The following CNIH3 variants were observed in gnomAD, a reference collection of about 807,000 sequenced individuals.
CNIH3 encodes the protein protein cornichon homolog 3.
A neutral mutation model predicts 24.1 loss-of-function variants in CNIH3; 14 were observed. That is an observed-to-expected ratio of 0.58 (90% CI 0.38 to 0.91). The LOEUF is 0.91. CNIH3 is among the 40% of genes least tolerant of loss of function. The pLI, the probability that CNIH3 is intolerant of heterozygous loss-of-function variation, is 0.00. For missense variants in CNIH3, 178 were observed against 196.8 expected, an observed-to-expected ratio of 0.90 and a Z score of 0.57; for synonymous variants, 68 against 73.8, an observed-to-expected ratio of 0.92 and a Z score of 0.40.
intron 1 of CNIH3, among the ~76,000 whole-genome samples, chr1:224,501,081 G>A (rs1157643962): frequency 6.6e-6 from 1 of 152,072 alleles, no homozygotes; most frequent in Non-Finnish European, 1.5e-5. Flanking sequence ...CTTCTGTTCT[G>A]GAAACAGTAA....
intron 2 of CNIH3, among the ~76,000 whole-genome samples, chr1:224,526,259 A>T (rs1558130774): frequency 6.6e-6 from 1 of 152,208 alleles, no homozygotes. Flanking sequence ...CCAAATTCAT[A>T]TTTGAAACTG....
intron 1 of CNIH3, chr1:224,664,916 A>G (rs1303673081): frequency 6.6e-6 from 1 of 151,930 alleles, no homozygotes; most frequent in African/African-American, 2.4e-5. Context: ...GGAAACTTAG[A>G]TCCAAATTTT....
At chr1:224,652,385 T>C (rs540267077) in intron 1 of CNIH3, among the ~76,000 whole-genome samples, 141 of 152,148 alleles carry the variant, frequency 9.3e-4, no homozygotes, top group Non-Finnish European at 1.7e-3. Flanking sequence ...GTTTGATGAG[T>C]TGAGCAGGCA....
chr1:224,625,320 C>T (rs560714121), intron 1 of CNIH3, among the ~76,000 whole-genome samples: 49 of 152,168 alleles, frequency 3.2e-4, no homozygotes, highest in African/African-American at 9.6e-4. Context: ...GAGGCCTAGG[C>T]GGGCGGATCA....
upstream of CNIH3, among the ~76,000 whole-genome samples, chr1:224,612,821 G>C (rs912216291): frequency 6.6e-6 from 1 of 151,952 alleles, no homozygotes; most frequent in Non-Finnish European, 1.5e-5. The surrounding 1 kb of genome is among the most constrained non-coding windows in gnomAD (Gnocchi z 4.7). Context: ...AGGTCCCAAA[G>C]GGACTCAGAA....
At chr1:224,470,945 TACAA>T (rs1489475543) in intron 1 of CNIH3, among the ~76,000 whole-genome samples, 1 of 152,232 alleles carries the variant, frequency 6.6e-6, no homozygotes, top group Non-Finnish European at 1.5e-5. Flanking sequence ...TCGTTTGTGT[TACAA>T]ACAATCTAGT....
intron 1 of CNIH3, among the ~76,000 whole-genome samples, chr1:224,516,447 C>T (rs1487071460): frequency 1.3e-5 from 2 of 152,158 alleles, no homozygotes; most frequent in Admixed American, 6.5e-5. Flanking sequence ...TATGGGCTTC[C>T]CACGAGACTA....
In CNIH3 at chr1:224,519,281, G is replaced by A. The variant is rs1202025616; in HGVS notation, n.16-1719G>A. Among the ~76,000 whole-genome samples, 5 of 152,284 alleles carry A rather than the reference G, an allele frequency of 3.3e-5. No individual in the cohort carries two copies. The East Asian group carries it at 7.7e-4, about 23-fold the overall frequency. On this transcript the variant is annotated intron_variant and non_coding_transcript_variant, in intron 1 of 2. Transcript: ENST00000470602. ...CTGAATAGAACAGAAGGCAGAGGAA[G>A]GGAAAACTTGCCTCTTTTTCTGCCT...
At position 224,585,485 on chromosome 1, in the gene CNIH3, T is replaced by G. The variant is rs937774325; in HGVS notation, n.620+2218T>G. The stretch of plus-strand genomic sequence containing the variant: ...AGCACAGTTCTTTTATTCTTTTTTT[T>G]TTTTTATTTTTGAGACAGGGCCCTG... On this transcript the variant is annotated intron_variant and non_coding_transcript_variant, in intron 5 of 5. Coordinates refer to the CNIH3 transcript ENST00000471578. Among the ~76,000 whole-genome samples the G allele has an allele frequency of 2.6e-5, 4 of 151,918 alleles. No homozygotes were observed. In the East Asian group the frequency reaches 7.8e-4, roughly 29 times the overall value.
intron 1 of CNIH3, among the ~76,000 whole-genome samples, chr1:224,643,007 A>C (rs903625529): frequency 1.1e-4 from 16 of 151,988 alleles, no homozygotes; most frequent in African/African-American, 3.6e-4. Flanking sequence ...GAGATTCCTA[A>C]AGGGTCCTCC....
intron 4 of CNIH3, among the ~76,000 whole-genome samples, chr1:224,577,014 T>C (rs916480959): frequency 2.0e-5 from 3 of 152,138 alleles, no homozygotes; most frequent in African/African-American, 4.8e-5. Context: ...AAGCCACATG[T>C]AGAAGAATGA....
At chr1:224,575,526 G>A (rs1681000545) in intron 4 of CNIH3, 1 of 490,126 alleles carries the variant, frequency 2.0e-6, no homozygotes, top group Non-Finnish European at 3.7e-6. Flanking sequence ...GCGAGGGTGT[G>A]TCTAGCTTGA....
chr1:224,603,460 T>A (rs1682289124), intron 3 of CNIH3, among the ~76,000 whole-genome samples: 1 of 152,126 alleles, frequency 6.6e-6, no homozygotes, highest in Non-Finnish European at 1.5e-5. Context: ...TTTGTCCTGC[T>A]TTTAGGCAAA....
At chr1:224,512,210 A>G (rs1678183618), upstream of CNIH3, among the ~76,000 whole-genome samples, 1 of 151,890 alleles carries the variant, frequency 6.6e-6, no homozygotes, top group African/African-American at 2.4e-5. Context: ...AAGAATGGGC[A>G]TGGTGGCTCA....
Position 224,696,011 on chromosome 1 carries a change from A to G in CNIH3, c.198+11168A>G, listed in dbSNP as rs192845659. Among the ~76,000 whole-genome samples the G allele has an allele frequency of 2.6e-3, 400 of 152,228 alleles. 3 individuals carry two copies. The highest frequency in any genetic ancestry group is 0.017 in the Admixed American group (257 of 15,296). ...GTGAGAGGCAGGAAAGCGTATTGGG[A>G]TATGGGTTTGGGTCTGTGAGTAACA... On this transcript the variant is annotated intron_variant, in intron 3 of 5. Coordinates refer to ENST00000272133, the MANE Select transcript of CNIH3 (RefSeq NM_152495.2).
rs1687700321 is a variant in CNIH3, at chr1:224,704,965, G to A, written c.198+20122G>A. 4.6e-5 allele frequency among the ~76,000 whole-genome samples: 7 copies of A among 151,922 alleles called. No homozygotes were observed. Among genetic ancestry groups the A allele is most frequent in the Admixed American group, 4.6e-4 (7 of 15,248 alleles). The stretch of plus-strand genomic sequence containing the variant: ...TCTCTAGTAAAAAATACAAAAATTA[G>A]CTGGGCATGGTGGCAGACTACAGTA... On this transcript the variant is annotated intron_variant, in intron 3 of 5. Transcript: ENST00000272133. This position sits in a 1 kb window ranked among gnomAD's most constrained non-coding sequence, Gnocchi z 4.2.
At chr1:224,461,327 A>ATGT (rs1675905249) in intron 1 of CNIH3, among the ~76,000 whole-genome samples, 1 of 152,160 alleles carries the variant, frequency 6.6e-6, no homozygotes, top group Non-Finnish European at 1.5e-5. Flanking sequence ...TAAACAAAGG[A>ATGT]TGTTTAATAC....
chr1:224,700,010 G>A (rs559328221), intron 3 of CNIH3, among the ~76,000 whole-genome samples: 2 of 152,306 alleles, frequency 1.3e-5, no homozygotes, highest in African/African-American at 4.8e-5. Flanking sequence ...CTACTGGACT[G>A]TAGGAAGGTG....
At chr1:224,647,891 G>A (rs770584594) in intron 1 of CNIH3, among the ~76,000 whole-genome samples, 2 of 152,222 alleles carry the variant, frequency 1.3e-5, no homozygotes, top group South Asian at 2.1e-4. Context: ...GTGGCAGGTC[G>A]GTAAGAACAG....
Sources: gnomAD v4.1 joint callset for allele counts (sites outside exome capture counted in the v4.1 genomes callset) on GRCh38, gnomAD v4.1.1 for gene constraint, Gnocchi (gnomAD v3.1) non-coding constraint, MANE v1.5 for transcripts, NCBI Gene and HGNC (gene_info 2026-07-23, HGNC 2026-07-21) for gene names.